Variants in PDLIM7 observed in about 807,000 individuals in gnomAD.
The protein encoded by PDLIM7 is PDZ and LIM domain 7.
A neutral mutation model predicts 53.9 loss-of-function variants in PDLIM7; 37 were observed. The ratio of observed to expected loss-of-function variants is 0.69; its 90% CI spans 0.53 to 0.90. The LOEUF (loss-of-function observed/expected upper bound fraction) is 0.90, where lower values mean the gene tolerates loss of function less well. PDLIM7 is among the 40% of genes least tolerant of loss of function. PDLIM7 has a pLI of 0.00. For missense variants in PDLIM7, 617 were observed against 638.5 expected, an observed-to-expected ratio of 0.97 and a Z score of 0.36; for synonymous variants, 300 against 261.3, an observed-to-expected ratio of 1.15 and a Z score of -1.43.
Position 177,497,564 on chromosome 5 carries a change from C to A in PDLIM7, c.-48G>T, listed in dbSNP as rs1044950351. 3 of 152,382 alleles carry A rather than the reference C, an allele frequency of 2.0e-5. No homozygotes were observed. Among genetic ancestry groups the A allele is most frequent in the Admixed American group, 6.5e-5 (1 of 15,310 alleles). The allele number at this position is 152,382 out of a possible 1,614,324, so 9.4% of individuals were successfully genotyped here. ...GGCCAGGGCGCTGCTCTGCGTCGGG[C>A]TCCAGGGAGCCTCGTTGGGATCGGC... On this transcript the variant is annotated 5_prime_UTR_variant, in exon 1 of 13. Coordinates refer to ENST00000355841, the MANE Select transcript of PDLIM7 (RefSeq NM_005451.5).
At chr5:177,491,321 G>C (rs1758769163) in intron 5 of PDLIM7, 175 bp from the exon 6 acceptor site, 1 of 1,506,556 alleles carries the variant, frequency 6.6e-7, no homozygotes, top group Non-Finnish European at 9.0e-7. Flanking sequence ...AAGTGGAGAG[G>C]AGGGCAGCCA....
chr5:177,495,404 C>T (rs1480771078), intron 2 of PDLIM7, among the ~76,000 whole-genome samples: 1 of 152,210 alleles, frequency 6.6e-6, no homozygotes, highest in Admixed American at 6.5e-5. Context: ...CCTGCCCACC[C>T]GGCGCCTGGG....
intron 5 of PDLIM7, chr5:177,491,505 C>A: frequency 1.8e-6 from 2 of 1,086,928 alleles, no homozygotes; most frequent in Non-Finnish European, 1.4e-6. Flanking sequence ...GGGGTCAGAA[C>A]AGCCGGGGAC....
intron 2 of PDLIM7, among the ~76,000 whole-genome samples, chr5:177,495,943 T>C (rs912515081): frequency 2.6e-5 from 4 of 151,974 alleles, no homozygotes; most frequent in Non-Finnish European, 5.9e-5. Context: ...TGCTTCACCA[T>C]GGACTCGATG....
intron 10 of PDLIM7, 113 bp from the exon 11 acceptor site, chr5:177,484,303 A>G (rs1342811855): frequency 1.7e-5 from 22 of 1,332,318 alleles, no homozygotes; most frequent in Non-Finnish European, 2.2e-5. Context: ...GGTAAACACT[A>G]CATCTAACTG....
chr5:177,487,800 C>T, intron 10 of PDLIM7: 1 of 341,366 alleles, frequency 2.9e-6, no homozygotes, highest in Non-Finnish European at 5.3e-6. Context: ...CAGGGAGAGC[C>T]CAAAGTGGGA....
chr5:177,488,259 G>A lies in PDLIM7; in HGVS notation c.870-11C>T. The A allele has an allele frequency of 1.9e-6, 3 of 1,587,990 alleles. No individual in the cohort carries two copies. The highest frequency in any genetic ancestry group is 1.1e-5 in the South Asian group (1 of 88,542). Reference sequence around the variant, plus strand: ...ACCAGGTAGCGGCCCCTGCAGGGAGGCGAGAGCGGTCAGAGGGAGCACACG... The same window carrying A: ...ACCAGGTAGCGGCCCCTGCAGGGAGACGAGAGCGGTCAGAGGGAGCACACG... On this transcript the variant is annotated splice_polypyrimidine_tract_variant and intron_variant, in intron 9 of 12. Coordinates refer to ENST00000355841, the MANE Select transcript of PDLIM7 (RefSeq NM_005451.5).
Position 177,492,543 on chromosome 5 carries a change from G to A in PDLIM7, c.231C>T (p.Leu77=), listed in dbSNP as rs375240089. The A allele has an allele frequency of 6.8e-6, 11 of 1,613,588 alleles. No homozygotes were observed. Among genetic ancestry groups the A allele is most frequent in the African/African-American group, 4.0e-5 (3 of 74,944 alleles). The change falls in exon 3 of 13, where the codon CTC becomes CTT. Residue 77 remains leucine (L), a synonymous_variant. Coordinates refer to ENST00000355841, the MANE Select transcript of PDLIM7 (RefSeq NM_005451.5). ...QNKIRACGER[L]SLGLSRAQPV... ...CCGCATACCTGCTGAGGCCCAGGCTGAGGCGCTCCCCGCAGGCCCGGATCT... is the reference window on the plus strand; with the variant it reads ...CCGCATACCTGCTGAGGCCCAGGCTAAGGCGCTCCCCGCAGGCCCGGATCT...
intron 5 of PDLIM7, 171 bp downstream of exon 5, chr5:177,491,636 C>T: frequency 4.8e-6 from 3 of 620,450 alleles, no homozygotes; most frequent in Admixed American, 6.1e-5. Context: ...TGCAAGGCGC[C>T]ACAGCCTCGG....
Position 177,488,051 on chromosome 5 carries a change from C to CA in PDLIM7, c.1050+16dup. 1 of 1,564,354 alleles carries CA rather than the reference C, an allele frequency of 6.4e-7. No homozygotes were observed. Among genetic ancestry groups the CA allele is most frequent in the African/African-American group, 1.4e-5 (1 of 73,968 alleles). On this transcript the variant is annotated intron_variant, in intron 10 of 12. Coordinates refer to ENST00000355841, the MANE Select transcript of PDLIM7 (RefSeq NM_005451.5). The stretch of plus-strand genomic sequence containing the variant: ...GACAGGCTTGGGACCACCTCCCCGC[C>CA]AGCCAGCCCTACTCACGCCTGTAAT...
In PDLIM7 at chr5:177,491,032, G is replaced by C. The variant is rs1451532062; in HGVS notation, c.513C>G (p.Ala171=). The change falls in exon 6 of 13, where the codon GCC becomes GCG. Residue 171 remains alanine (A), a synonymous_variant. Transcript: ENST00000355841. ...TACTGAACTCGGTGCCTGTGAGGTG[G>C]GCAAGGATGCGGAAGGAACGCGACT... is the stretch of plus-strand genomic sequence containing the variant. ...TGQSRSFRIL[A]HLTGTEFMQD... is the part of the protein sequence containing the mutation. 6.2e-7 allele frequency: 1 copy of C among 1,613,394 alleles called. No individual in the cohort carries two copies.
Position 177,483,558 on chromosome 5 carries a change from A to T in PDLIM7, c.*86T>A. The T allele has an allele frequency of 9.6e-7, 1 of 1,037,012 alleles. No homozygotes were observed. The highest frequency in any genetic ancestry group is 1.4e-6 in the Non-Finnish European group (1 of 697,194). The allele number at this position is 1,037,012 out of a possible 1,614,324, so 64.2% of individuals were successfully genotyped here. The stretch of plus-strand genomic sequence containing the variant: ...GCCAGGAGCCAGGGTTAAGGCAACC[A>T]TTGCCAGCCCTACCCAGAAATGCAG... On this transcript the variant is annotated 3_prime_UTR_variant, in exon 13 of 13. Transcript: ENST00000355841.
chr5:177,489,506 G>A lies in PDLIM7; in HGVS notation c.756C>T (p.Pro252=). The change falls in exon 9 of 13, where the codon CCC becomes CCT. Residue 252 remains proline (P), a synonymous_variant. Coordinates refer to ENST00000355841, the MANE Select transcript of PDLIM7 (RefSeq NM_005451.5). ...TGGAGGTGCGGCTCTGCAGCGGCGT[G>A]GGCGTGGCCGGCTGGCTGTGCCGGG... ...VLTRHSQPAT[P]TPLQSRTSIV... 1 of 1,608,942 alleles carries A rather than the reference G, an allele frequency of 6.2e-7. No individual in the cohort carries two copies. Among genetic ancestry groups the A allele is most frequent in the Non-Finnish European group, 8.5e-7 (1 of 1,178,466 alleles).
In PDLIM7 at chr5:177,483,866, C is replaced by A; in HGVS notation, c.1287+1G>T. The A allele has an allele frequency of 1.9e-6, 3 of 1,612,666 alleles. No homozygotes were observed. The highest frequency in any genetic ancestry group is 2.5e-6 in the Non-Finnish European group (3 of 1,179,224). On this transcript the variant is annotated splice_donor_variant, in intron 12 of 12. Transcript: ENST00000355841. LOFTEE classifies it high-confidence loss of function. ...CTCAGTTCGAGGGGCGGGGCTCTCACCGCACAGACGAAGCAGGTGTCATGC... is the reference window on the plus strand; with the variant it reads ...CTCAGTTCGAGGGGCGGGGCTCTCAACGCACAGACGAAGCAGGTGTCATGC...
rs1269982734 is a variant in PDLIM7 at position 177,483,672 on chromosome 5, CAG to C, written c.1344_1345del (p.Cys449GlnfsTer23). The C allele has an allele frequency of 1.9e-6, 3 of 1,612,462 alleles. No homozygotes were observed. Among genetic ancestry groups the C allele is most frequent in the African/African-American group, 1.3e-5 (1 of 74,902 alleles). On this transcript the variant is annotated frameshift_variant, in exon 13 of 13. Transcript: ENST00000355841. LOFTEE classifies it high-confidence loss of function. ...CACATGAGAGAAGGCATGGCTCTTG[CAG>C]AGAGGCCTGTCCTTCTTGGAGTAGA... is the stretch of plus-strand genomic sequence containing the variant.
chr5:177,492,147 TGCGGGCGAGCAC>T (rs1488139289), intron 4 of PDLIM7: 1 of 597,450 alleles, frequency 1.7e-6, no homozygotes, highest in African/African-American at 1.9e-5. Context: ...GCTGACCGAG[TGCGGGCGAGCAC>T]GCAGCGCCGG....
Position 177,490,369 on chromosome 5 carries a change from G to T in PDLIM7, c.572+501C>A. The T allele has an allele frequency of 2.1e-6, 3 of 1,462,624 alleles. No homozygotes were observed. In the South Asian group the frequency reaches 4.2e-5, roughly 20 times the overall value. 90.6% of individuals were successfully genotyped at this position (1,462,624 alleles called of 1,614,324 possible). A position where few individuals can be genotyped will look rare whatever the true frequency, so the allele number is the denominator to read the frequency against. Reference sequence around the variant, plus strand: ...GTGGGCGGCCAGGGCCAGGCCAGCAGGAGGCTCAGGCCAGGGGCACGAAAG... The same window carrying T: ...GTGGGCGGCCAGGGCCAGGCCAGCATGAGGCTCAGGCCAGGGGCACGAAAG... On this transcript the variant is annotated intron_variant, in intron 7 of 12. Transcript: ENST00000355841.
intron 10 of PDLIM7, among the ~76,000 whole-genome samples, chr5:177,486,807 A>G (rs1758477048): frequency 6.8e-6 from 1 of 146,846 alleles, no homozygotes; most frequent in Non-Finnish European, 1.5e-5. Context: ...ATTTTTTTGT[A>G]TTTTTAGTAG....
At chr5:177,492,147 T>C in intron 4 of PDLIM7, 2 of 597,568 alleles carry the variant, frequency 3.3e-6, no homozygotes, top group Admixed American at 6.2e-5. Flanking sequence ...GCTGACCGAG[T>C]GCGGGCGAGC....
Sources: allele counts gnomAD v4.1 joint callset (sites outside exome capture counted in the v4.1 genomes callset), GRCh38; gene constraint gnomAD v4.1.1; transcripts MANE v1.5; gene names NCBI Gene and HGNC (gene_info 2026-07-23, HGNC 2026-07-21).